C12orf42: variants seen among roughly 807,000 people sequenced by gnomAD.
C12orf42 encodes the protein chromosome 12 open reading frame 42, also known as uncharacterized protein C12orf42.
In C12orf42, 25 loss-of-function variants were observed where a neutral mutation model predicts 21.6. The ratio of observed to expected loss-of-function variants is 1.16; its 90% CI spans 0.84 to 1.62. The LOEUF (loss-of-function observed/expected upper bound fraction) is 1.62, where lower values mean the gene tolerates loss of function less well. Ranked by LOEUF, C12orf42 falls within the 40% of genes most tolerant of loss-of-function variation. C12orf42 has a pLI of 0.00. For synonymous variants in C12orf42, 174 were observed against 175.0 expected (o/e 0.99, Z 0.05); for missense variants, 483 against 459.3 (o/e 1.05, Z -0.47).
chr12:103,346,130 T>C (rs901548450), intron 4 of C12orf42, among the ~76,000 whole-genome samples: 1 of 152,190 alleles, frequency 6.6e-6, no homozygotes, highest in Non-Finnish European at 1.5e-5. Flanking sequence ...AAAGAGATTC[T>C]TTTTCTTTCT....
the C12orf42 span, among the ~76,000 whole-genome samples, chr12:103,175,954 G>GCTGGACA: frequency 9.2e-5 from 14 of 152,132 alleles, no homozygotes; most frequent in Admixed American, 2.0e-4. Flanking sequence ...CACACTGGAT[G>GCTGGACA]CTGGACACTG....
At chr12:103,521,980 C>G in the C12orf42 span, among the ~76,000 whole-genome samples, 3 of 152,176 alleles carry the variant, frequency 2.0e-5, no homozygotes, top group African/African-American at 7.2e-5. Context: ...TTAATTCTGT[C>G]TCCCCTCAGT....
chr12:103,418,452 G>A (rs571743351), intron 2 of C12orf42, among the ~76,000 whole-genome samples: 2 of 152,272 alleles, frequency 1.3e-5, no homozygotes, highest in African/African-American at 4.8e-5. Flanking sequence ...TTGTAAAATA[G>A]TTATGTCAGG....
the C12orf42 span, among the ~76,000 whole-genome samples, chr12:103,501,880 T>C: frequency 6.6e-6 from 1 of 152,104 alleles, no homozygotes; most frequent in South Asian, 2.1e-4. Flanking sequence ...GACATTTTTT[T>C]AACTAGCTTG....
At chr12:103,512,999 AT>A in the C12orf42 span, among the ~76,000 whole-genome samples, 28 of 148,994 alleles carry the variant, frequency 1.9e-4, no homozygotes, top group South Asian at 5.9e-3. Context: ...GAGACTCCAT[AT>A]CAAAAAAAAA....
the C12orf42 span, among the ~76,000 whole-genome samples, chr12:103,186,115 A>G: frequency 6.6e-6 from 1 of 152,202 alleles, no homozygotes; most frequent in Non-Finnish European, 1.5e-5. Context: ...GAAGTTATTA[A>G]TACTTCCACC....
chr12:103,321,845 T>A (rs961573791), intron 4 of C12orf42, among the ~76,000 whole-genome samples: 3 of 144,588 alleles, frequency 2.1e-5, no homozygotes, highest in African/African-American at 7.7e-5. Context: ...AAGGGGAACA[T>A]CACACTCTGG....
At chr12:103,535,002 C>A in the C12orf42 span, among the ~76,000 whole-genome samples, 1 of 152,214 alleles carries the variant, frequency 6.6e-6, no homozygotes, top group East Asian at 1.9e-4. Context: ...TTATCTCAAT[C>A]TATGGAGACT....
intron 3 of C12orf42, among the ~76,000 whole-genome samples, chr12:103,391,485 A>G (rs2047075961): frequency 6.6e-6 from 1 of 152,078 alleles, no homozygotes; most frequent in South Asian, 2.1e-4. Context: ...GTGATACCTC[A>G]TCGTGGTTTT....
At chr12:103,246,532 C>CA (rs1191462907) in intron 10 of C12orf42, among the ~76,000 whole-genome samples, 12 of 150,450 alleles carry the variant, frequency 8.0e-5, no homozygotes, top group East Asian at 5.8e-4. Flanking sequence ...AAACTGATTT[C>CA]AAAAAAAAAG....
chr12:103,547,219 G>T, the C12orf42 span, among the ~76,000 whole-genome samples: 266 of 152,236 alleles, frequency 1.7e-3, no homozygotes, highest in Admixed American at 4.1e-3. Context: ...CTACATAATG[G>T]CTATTTACAT....
the C12orf42 span, among the ~76,000 whole-genome samples, chr12:103,182,684 T>C: frequency 6.6e-6 from 1 of 152,238 alleles, no homozygotes; most frequent in Non-Finnish European, 1.5e-5. Context: ...GAGATAATTG[T>C]AGGTTTAAAA....
the C12orf42 span, among the ~76,000 whole-genome samples, chr12:103,541,819 G>T: frequency 6.6e-6 from 1 of 151,948 alleles, no homozygotes; most frequent in Non-Finnish European, 1.5e-5. Flanking sequence ...TATGTTGCTG[G>T]TAAGAGGCCA....
chr12:103,472,963 G>A lies in C12orf42; in HGVS notation c.78+5386C>T, dbSNP rs548101780. On this transcript the variant is annotated intron_variant, in intron 2 of 5. Coordinates refer to ENST00000548883, the MANE Select transcript of C12orf42 (RefSeq NM_198521.5). The stretch of plus-strand genomic sequence containing the variant: ...ATATCTTTCTTTCTGGAGGAGATTT[G>A]CAGGGCTTTTAGTTCTGCATCATCC... Among the ~76,000 whole-genome samples the A allele has an allele frequency of 2.0e-5, 3 of 152,270 alleles. No individual in the cohort carries two copies. In the South Asian group the frequency reaches 6.2e-4, roughly 32 times the overall value.
At chr12:103,456,953 A>T (rs1340371693) in intron 2 of C12orf42, among the ~76,000 whole-genome samples, 1 of 152,150 alleles carries the variant, frequency 6.6e-6, no homozygotes, top group Non-Finnish European at 1.5e-5. Context: ...TGAAATTTTC[A>T]TCAGGATCAT....
chr12:103,424,675 A>G (rs941308532), intron 2 of C12orf42, among the ~76,000 whole-genome samples: 4 of 152,248 alleles, frequency 2.6e-5, no homozygotes, highest in African/African-American at 9.6e-5. Flanking sequence ...TGCAACCTGC[A>G]GACCAGGAGA....
At chr12:103,448,012 T>G (rs977710805) in intron 2 of C12orf42, among the ~76,000 whole-genome samples, 3 of 151,524 alleles carry the variant, frequency 2.0e-5, no homozygotes, top group African/African-American at 7.3e-5. Context: ...AAAGGACAAA[T>G]CTGGAGGCAT....
At chr12:103,334,766 A>G (rs981140509) in intron 4 of C12orf42, among the ~76,000 whole-genome samples, 2 of 152,172 alleles carry the variant, frequency 1.3e-5, no homozygotes, top group African/African-American at 2.4e-5. Context: ...CTTTGCTTCC[A>G]CGGCTTCAGC....
chr12:103,063,680 A>C, the C12orf42 span, among the ~76,000 whole-genome samples: 1 of 151,906 alleles, frequency 6.6e-6, no homozygotes, highest in Non-Finnish European at 1.5e-5. Flanking sequence ...CTACCCGAAC[A>C]CCCCTGTTTT....
Sources: allele counts gnomAD v4.1 joint callset (sites outside exome capture counted in the v4.1 genomes callset), GRCh38; gene constraint gnomAD v4.1.1; transcripts MANE v1.5; gene names NCBI Gene and HGNC (gene_info 2026-07-23, HGNC 2026-07-21).